FGF13: variants seen among roughly 807,000 people sequenced by gnomAD.
The protein encoded by FGF13 is fibroblast growth factor 13, also known as fibroblast growth factor homologous factor 2.
Under a neutral mutation model 19.5 loss-of-function variants are expected in FGF13, and 2 were observed. The ratio of observed to expected loss-of-function variants is 0.10; its 90% CI spans 0.04 to 0.32. The LOEUF (loss-of-function observed/expected upper bound fraction) is 0.32, where lower values mean the gene tolerates loss of function less well. Among genes scored for constraint, FGF13 ranks in the 10% least tolerant of loss-of-function variants. The probability of loss-of-function intolerance (pLI) is 1.00; values close to 1 mark genes in which losing one functional copy is unlikely to be tolerated. For synonymous variants in FGF13, 72 were observed against 76.9 expected (o/e 0.94, Z 0.33); for missense variants, 113 against 192.7 (o/e 0.59, Z 2.45).
At chrX:139,183,671 G>A (rs1171428808) in intron 1 of FGF13, among the ~76,000 whole-genome samples, 2 of 111,819 alleles carry the variant, frequency 1.8e-5, no homozygotes, top group Admixed American at 1.9e-4. Context: ...AGCAAATGCT[G>A]GTACTACACT....
chrX:138,881,621 A>G (rs2091425262), intron 1 of FGF13, among the ~76,000 whole-genome samples: 1 of 110,807 alleles, frequency 9.0e-6, no homozygotes, highest in South Asian at 3.7e-4. Flanking sequence ...CTGTTTCTTC[A>G]TCATTCAGTC....
Position 138,799,329 on chromosome X carries a change from T to C in FGF13, c.217+58183A>G, listed in dbSNP as rs144800586. 9.8e-3 allele frequency among the ~76,000 whole-genome samples: 1,100 copies of C among 112,067 alleles called. 14 individuals are homozygous for C. The highest frequency in any genetic ancestry group is 0.033 in the African/African-American group (1,024 of 30,846). On this transcript the variant is annotated intron_variant, in intron 3 of 6. Transcript: ENST00000436198. ...CATTTCGTTATTTACCCAGTAGTCATTCAGGAGCAGGTTGTTCAGTTTCCA... is the reference window on the plus strand; with the variant it reads ...CATTTCGTTATTTACCCAGTAGTCACTCAGGAGCAGGTTGTTCAGTTTCCA...
chrX:139,053,438 T>C (rs2124414799), intron 1 of FGF13, among the ~76,000 whole-genome samples: 1 of 109,496 alleles, frequency 9.1e-6, no homozygotes, highest in African/African-American at 3.3e-5. Flanking sequence ...TTGGTTTTTA[T>C]GGCCATTCTT....
intron 1 of FGF13, among the ~76,000 whole-genome samples, chrX:139,085,326 T>C (rs1438673417): frequency 1.8e-5 from 2 of 112,143 alleles, no homozygotes; most frequent in Non-Finnish European, 3.8e-5. Flanking sequence ...ATAATGTCTC[T>C]GAGCCTCCTG....
At chrX:138,920,342 C>T (rs2091638508) in intron 1 of FGF13, among the ~76,000 whole-genome samples, 1 of 110,122 alleles carries the variant, frequency 9.1e-6, no homozygotes, top group South Asian at 3.9e-4. Context: ...GAGTTTTTTT[C>T]GTAAGATTGA....
At chrX:138,812,875 C>T (rs774649698) in intron 3 of FGF13, among the ~76,000 whole-genome samples, 1 of 110,430 alleles carries the variant, frequency 9.1e-6, no homozygotes, top group Non-Finnish European at 1.9e-5. Flanking sequence ...CAGGCCCTGG[C>T]GTGTATTGTT....
At chrX:139,085,840 T>C (rs1569451584) in intron 1 of FGF13, among the ~76,000 whole-genome samples, 2 of 112,425 alleles carry the variant, frequency 1.8e-5, no homozygotes, top group Non-Finnish European at 3.8e-5. Flanking sequence ...ATGTCTGAAA[T>C]GTACTCTCCA....
chrX:138,978,505 G>A (rs765139410), intron 1 of FGF13, among the ~76,000 whole-genome samples: 15 of 110,628 alleles, frequency 1.4e-4, no homozygotes, highest in East Asian at 8.7e-4. Context: ...CTCGTGATCC[G>A]CCCGCCGCGG....
chrX:139,060,284 T>A (rs899115252), intron 1 of FGF13, among the ~76,000 whole-genome samples: 1 of 111,569 alleles, frequency 9.0e-6, no homozygotes, highest in African/African-American at 3.3e-5. Flanking sequence ...ATATCTTGCA[T>A]ATCTTTTGTG....
chrX:138,750,818 G>A (rs190815207), intron 3 of FGF13, among the ~76,000 whole-genome samples: 8 of 110,968 alleles, frequency 7.2e-5, no homozygotes, highest in Non-Finnish European at 1.1e-4. Flanking sequence ...CAGTCATGGC[G>A]GGGGTGTGGA....
chrX:138,756,261 G>A (rs188842157), intron 3 of FGF13, among the ~76,000 whole-genome samples: 264 of 112,784 alleles, frequency 2.3e-3, no homozygotes, highest in African/African-American at 7.9e-3. Context: ...CCAGAGAAAA[G>A]AGAAGGCAGC....
chrX:139,083,261 T>G (rs2083382539), intron 1 of FGF13, among the ~76,000 whole-genome samples: 1 of 111,598 alleles, frequency 9.0e-6, no homozygotes, highest in African/African-American at 3.3e-5. Context: ...ATGTATGCTA[T>G]CCAATTAACA....
intron 3 of FGF13, among the ~76,000 whole-genome samples, chrX:138,687,416 C>T (rs1341338462): frequency 4.5e-5 from 5 of 112,145 alleles, no homozygotes; most frequent in African/African-American, 6.5e-5. Flanking sequence ...CTCAACATAA[C>T]TAATCATCAG....
At chrX:138,781,973 C>T (rs1308297816) in intron 3 of FGF13, among the ~76,000 whole-genome samples, 2 of 112,015 alleles carry the variant, frequency 1.8e-5, no homozygotes, top group African/African-American at 6.5e-5. Context: ...TTCAAGTGGG[C>T]TTCATCCCTG....
chrX:138,919,763 T>G (rs2091635458), intron 1 of FGF13, among the ~76,000 whole-genome samples: 1 of 110,371 alleles, frequency 9.1e-6, no homozygotes, highest in African/African-American at 3.3e-5. Flanking sequence ...GTCTTCTGTA[T>G]AGTGGAGTAT....
intron 3 of FGF13, among the ~76,000 whole-genome samples, chrX:138,770,785 G>C (rs150256198): frequency 0.019 from 2,071 of 111,689 alleles, 48 homozygotes; most frequent in African/African-American, 0.064. Context: ...AGAGTCTACT[G>C]CCTTCATGCA....
intron 3 of FGF13, among the ~76,000 whole-genome samples, chrX:138,779,051 G>A (rs1348720602): frequency 8.9e-6 from 1 of 112,082 alleles, no homozygotes; most frequent in Non-Finnish European, 1.9e-5. Flanking sequence ...CCCAGCAGGG[G>A]CACACTGACA....
intron 3 of FGF13, among the ~76,000 whole-genome samples, chrX:138,779,016 C>G (rs1177131106): frequency 8.9e-6 from 1 of 112,352 alleles, no homozygotes; most frequent in Non-Finnish European, 1.9e-5. Flanking sequence ...CTCCTGACCC[C>G]AGAGCAGCCT....
At chrX:139,161,521 A>T (rs2084033615) in intron 1 of FGF13, among the ~76,000 whole-genome samples, 2 of 111,277 alleles carry the variant, frequency 1.8e-5, no homozygotes, top group South Asian at 7.7e-4. Context: ...TAGCCCTCCT[A>T]TTCAATAAAG....
Sources: gnomAD v4.1 joint callset for allele counts (sites outside exome capture counted in the v4.1 genomes callset) on GRCh38, gnomAD v4.1.1 for gene constraint, MANE v1.5 for transcripts, NCBI Gene and HGNC (gene_info 2026-07-23, HGNC 2026-07-21) for gene names.